The following SPARC variants were observed in gnomAD, a reference collection of about 807,000 sequenced individuals.
SPARC encodes the protein secreted protein acidic and cysteine rich.
Under a neutral mutation model 37.7 loss-of-function variants are expected in SPARC, and 23 were observed. The observed-to-expected ratio is 0.61, with a 90% confidence interval of 0.44 to 0.87. The LOEUF (loss-of-function observed/expected upper bound fraction) is 0.87, where lower values mean the gene tolerates loss of function less well. Among genes scored for constraint, SPARC ranks in the 40% least tolerant of loss-of-function variants. The probability of loss-of-function intolerance (pLI) is 0.00; values close to 1 mark genes in which losing one functional copy is unlikely to be tolerated. For synonymous variants in SPARC, 155 were observed against 150.8 expected, an observed-to-expected ratio of 1.03 and a Z score of -0.20; for missense variants, 312 against 389.0, an observed-to-expected ratio of 0.80 and a Z score of 1.66.
rs988961709 is a variant in SPARC, at chr5:151,662,842, G to A, written c.*729C>T. On this transcript the variant is annotated 3_prime_UTR_variant, in exon 10 of 10. Transcript: ENST00000231061. ...AGACAGAGGAGGAGAAGCCCTGCAGGATGCGCTGACCACTTCCCAGAGAAC... is the reference window on the plus strand; with the variant it reads ...AGACAGAGGAGGAGAAGCCCTGCAGAATGCGCTGACCACTTCCCAGAGAAC... The A allele has an allele frequency of 6.6e-6, 1 of 152,256 alleles. No individual in the cohort carries two copies. The highest frequency in any genetic ancestry group is 1.5e-5 in the Non-Finnish European group (1 of 68,062). 9.4% of individuals were successfully genotyped at this position (152,256 alleles called of 1,614,324 possible).
chr5:151,665,027 G>C (rs3776959), intron 8 of SPARC, among the ~76,000 whole-genome samples: 95,801 of 151,960 alleles, frequency 0.63, 30,580 homozygotes, highest in African/African-American at 0.73. Context: ...TCTAGACCTC[G>C]CAGCCCCACC....
intron 1 of SPARC, chr5:151,679,720 A>G (rs2113113910): frequency 6.6e-6 from 1 of 152,390 alleles, no homozygotes; most frequent in African/African-American, 2.4e-5. Flanking sequence ...TCTCTCTGGA[A>G]AGACTCTGAG....
chr5:151,673,195 C>T lies in SPARC; in HGVS notation c.142G>A (p.Val48Ile). ...VTEVSVGANPVQVEVGEFDDG... is the reference protein window; with the variant it reads ...VTEVSVGANPIQVEVGEFDDG... ...TCAAATTCTCCTACTTCCACCTGGA[C>T]AGGATTAGCTCCCACAGATACCTGG... The change falls in exon 4 of 10, where the codon GTC (valine) becomes ATC (isoleucine). Residue 48 changes from valine to isoleucine, a missense_variant. Physicochemically the swap from Val to Ile is conservative, Grantham distance 29. Coordinates refer to ENST00000231061, the MANE Select transcript of SPARC (RefSeq NM_003118.4). The T allele has an allele frequency of 1.9e-6, 3 of 1,613,440 alleles. No individual in the cohort carries two copies. Among genetic ancestry groups the T allele is most frequent in the Non-Finnish European group, 2.5e-6 (3 of 1,179,332 alleles).
intron 9 of SPARC, 70 bp downstream of exon 9, chr5:151,664,017 G>A: frequency 6.4e-7 from 1 of 1,570,790 alleles, no homozygotes; most frequent in Non-Finnish European, 8.7e-7. Flanking sequence ...GAGAGTGGGG[G>A]GATGACAACC....
At chr5:151,665,984 G>A (rs1458400490) in intron 8 of SPARC, among the ~76,000 whole-genome samples, 2 of 152,208 alleles carry the variant, frequency 1.3e-5, no homozygotes, top group African/African-American at 4.8e-5. Context: ...CCAGGTGGCT[G>A]CTCTGCCCCT....
Position 151,663,739 on chromosome 5 carries a change from C to T in SPARC, c.884-140G>A, listed in dbSNP as rs78537844. ...GCAAGGTCACCCAGGAAGTCAGTGA[C>T]GGAGGAATCTCGCTCTCTCTGTCTC... On this transcript the variant is annotated intron_variant, in intron 9 of 9. Transcript: ENST00000231061. 1.1e-3 allele frequency: 850 copies of T among 780,832 alleles called. 8 individuals are homozygous for T. In the African/African-American group the frequency reaches 0.013, roughly 12 times the overall value. 48.4% of individuals were successfully genotyped at this position (780,832 alleles called of 1,614,324 possible).
intron 2 of SPARC, among the ~76,000 whole-genome samples, chr5:151,675,486 G>A (rs1224102226): frequency 6.6e-6 from 1 of 152,102 alleles, no homozygotes; most frequent in African/African-American, 2.4e-5. Flanking sequence ...CAGCCAGATT[G>A]GCTCTCATTT....
At chr5:151,666,279 T>G in intron 8 of SPARC, 82 bp downstream of exon 8, 6 of 1,441,024 alleles carry the variant, frequency 4.2e-6, no homozygotes, top group Non-Finnish European at 5.7e-6. Context: ...TGGAGCAGTA[T>G]AGGCTGCTGA....
intron 8 of SPARC, among the ~76,000 whole-genome samples, chr5:151,665,450 C>G (rs928951787): frequency 2.0e-5 from 3 of 152,184 alleles, no homozygotes; most frequent in Admixed American, 6.5e-5. Context: ...TTGGCAGACT[C>G]CAGGCACACA....
At chr5:151,675,530 C>T (rs545734797) in intron 2 of SPARC, among the ~76,000 whole-genome samples, 8 of 152,298 alleles carry the variant, frequency 5.3e-5, no homozygotes, top group East Asian at 3.9e-4. Context: ...GGCACATTCT[C>T]TCAAGATGTG....
At chr5:151,665,365 CA>C (rs1316356835) in intron 8 of SPARC, among the ~76,000 whole-genome samples, 4 of 152,152 alleles carry the variant, frequency 2.6e-5, no homozygotes. Context: ...CCAGCCATGG[CA>C]AAAGCCTGGG....
chr5:151,666,044 C>A (rs552575131), intron 8 of SPARC, among the ~76,000 whole-genome samples: 61 of 152,294 alleles, frequency 4.0e-4, no homozygotes, highest in Non-Finnish European at 6.9e-4. Context: ...AACCTTGTCC[C>A]CTGCCACCCC....
At chr5:151,681,690 G>A (rs559171163) in intron 1 of SPARC, among the ~76,000 whole-genome samples, 1 of 152,276 alleles carries the variant, frequency 6.6e-6, no homozygotes, top group African/African-American at 2.4e-5. Flanking sequence ...TCAGCAGTTC[G>A]AGACCAGCCT....
At position 151,666,442 on chromosome 5, in the gene SPARC, C is replaced by G; in HGVS notation, c.653G>C (p.Arg218Pro). ...CATGTTATAGTTCTTCTCGAAGTCCCGGGCCAGCAGCTCCACGGGGTGGTC... is the reference window on the plus strand; with the variant it reads ...CATGTTATAGTTCTTCTCGAAGTCCGGGGCCAGCAGCTCCACGGGGTGGTC... ...AGDHPVELLA[R>P]DFEKNYNMYI... Residue 218 changes from arginine to proline, a missense_variant, in exon 8 of 10, where the codon CGG (arginine) becomes CCG (proline). Physicochemically the swap from Arg to Pro is moderately radical, Grantham distance 103. Transcript: ENST00000231061. The G allele has an allele frequency of 6.2e-7, 1 of 1,614,170 alleles. No homozygotes were observed. The highest frequency in any genetic ancestry group is 8.5e-7 in the Non-Finnish European group (1 of 1,180,000).
Position 151,686,390 on chromosome 5 carries a change from T to C in SPARC, c.-14+475A>G, listed in dbSNP as rs534715450. Reference sequence around the variant, plus strand: ...CCCCCTTTGCCTTTCAGAGATCAACTGATTGTTCGTGCAAAGTCCCTTTTG... The same window carrying C: ...CCCCCTTTGCCTTTCAGAGATCAACCGATTGTTCGTGCAAAGTCCCTTTTG... On this transcript the variant is annotated intron_variant, in intron 1 of 9. Coordinates refer to ENST00000231061, the MANE Select transcript of SPARC (RefSeq NM_003118.4). The C allele has an allele frequency of 3.3e-5, 5 of 152,280 alleles. No homozygotes were observed. In the South Asian group the frequency reaches 1.0e-3, roughly 32 times the overall value. The allele number at this position is 152,280 out of a possible 1,614,324, so 9.4% of individuals were successfully genotyped here.
intron 1 of SPARC, among the ~76,000 whole-genome samples, chr5:151,678,222 T>A (rs924407028): frequency 4.6e-5 from 7 of 152,166 alleles, no homozygotes; most frequent in Non-Finnish European, 1.0e-4. Flanking sequence ...GGACTGGAAA[T>A]GTAGTAAGCT....
rs729853 is a variant in SPARC, at chr5:151,667,367, C to T, written c.585+100G>A. On this transcript the variant is annotated intron_variant, in intron 7 of 9. Transcript: ENST00000231061. ...CCTGGTGCTCAGGGGTAAATGCACG[C>T]TCCGGAGCAGGATGCCGCCCTGCAG... The T allele has an allele frequency of 0.17, 230,598 of 1,397,492 alleles. 23,145 individuals carry two copies. The highest frequency in any genetic ancestry group is 0.41 in the East Asian group (17,695 of 43,496). 86.6% of individuals were successfully genotyped at this position (1,397,492 alleles called of 1,614,324 possible).
rs531972879 is a variant in SPARC, at chr5:151,666,861, A to T, written c.586-352T>A. Among the ~76,000 whole-genome samples the T allele has an allele frequency of 1.2e-4, 18 of 152,296 alleles. No individual in the cohort carries two copies. In the South Asian group the frequency reaches 3.7e-3, roughly 32 times the overall value. On this transcript the variant is annotated intron_variant, in intron 7 of 9. Coordinates refer to ENST00000231061, the MANE Select transcript of SPARC (RefSeq NM_003118.4). ...GCCAACACAGTGAAACTCCATCTCT[A>T]CTAAAAATACAAAAATTAGCCAGGT...
chr5:151,672,967 A>G, intron 4 of SPARC, 162 bp downstream of exon 4: 1 of 639,970 alleles, frequency 1.6e-6, no homozygotes, highest in Non-Finnish European at 2.9e-6. Flanking sequence ...TGAGTGCCAC[A>G]GTTTCCCACT....
Sources: gnomAD v4.1 joint callset for allele counts (sites outside exome capture counted in the v4.1 genomes callset) on GRCh38, gnomAD v4.1.1 for gene constraint, MANE v1.5 for transcripts, NCBI Gene and HGNC (gene_info 2026-07-23, HGNC 2026-07-21) for gene names.